GPM6A: variants seen among roughly 807,000 people sequenced by gnomAD.
GPM6A encodes the protein glycoprotein M6A, also known as neuronal membrane glycoprotein M6-a.
A neutral mutation model predicts 32.1 loss-of-function variants in GPM6A; 7 were observed. The observed-to-expected ratio is 0.22, with a 90% CI of 0.12 to 0.41. GPM6A has a LOEUF of 0.41. GPM6A is among the 10% of genes least tolerant of loss of function. GPM6A has a pLI of 1.00. For missense variants in GPM6A, 235 were observed against 347.2 expected (o/e 0.68, Z 2.57); for synonymous variants, 130 against 123.4 (o/e 1.05, Z -0.35).
chr4:175,764,334 A>T (rs535421150), intron 1 of GPM6A, among the ~76,000 whole-genome samples: 1 of 152,174 alleles, frequency 6.6e-6, no homozygotes, highest in Non-Finnish European at 1.5e-5. Flanking sequence ...ATGTTGTAGC[A>T]TGTATCAGTA....
intron 1 of GPM6A, among the ~76,000 whole-genome samples, chr4:175,702,954 C>G (rs772898002): frequency 5.3e-5 from 8 of 152,114 alleles, no homozygotes; most frequent in Non-Finnish European, 1.0e-4. Flanking sequence ...AAGACACTGG[C>G]ACAGCAAATG....
chr4:175,645,250 A>G (rs2110899014), intron 4 of GPM6A, among the ~76,000 whole-genome samples: 1 of 152,334 alleles, frequency 6.6e-6, no homozygotes, highest in Non-Finnish European at 1.5e-5. Context: ...AGCTAAACAC[A>G]AGTAATATAT....
At chr4:175,829,544 C>A (rs905983215) in intron 1 of GPM6A, among the ~76,000 whole-genome samples, 3 of 151,302 alleles carry the variant, frequency 2.0e-5, no homozygotes, top group African/African-American at 7.3e-5. Flanking sequence ...CACTATTTTA[C>A]TTGGAGAGCT....
intron 1 of GPM6A, among the ~76,000 whole-genome samples, chr4:175,899,887 A>G (rs987775390): frequency 6.6e-6 from 1 of 152,180 alleles, no homozygotes; most frequent in Non-Finnish European, 1.5e-5. Context: ...ATCAAGTTAA[A>G]AAGCTTCTGC....
intron 1 of GPM6A, among the ~76,000 whole-genome samples, chr4:175,836,174 C>A (rs1439298910): frequency 6.6e-6 from 1 of 152,160 alleles, no homozygotes; most frequent in African/African-American, 2.4e-5. Context: ...ATTCCCTGAA[C>A]ACTTGATTCC....
At chr4:175,851,055 T>C (rs1736237588) in intron 1 of GPM6A, among the ~76,000 whole-genome samples, 1 of 152,118 alleles carries the variant, frequency 6.6e-6, no homozygotes, top group South Asian at 2.1e-4. Context: ...TGACACTTTG[T>C]TTTCTGAAGA....
At chr4:175,925,518 G>C (rs28556584) in intron 1 of GPM6A, among the ~76,000 whole-genome samples, 5,251 of 152,132 alleles carry the variant, frequency 0.035, 326 homozygotes, top group African/African-American at 0.12. Flanking sequence ...GCTCTTACAA[G>C]CTCATTCTGC....
intron 1 of GPM6A, among the ~76,000 whole-genome samples, chr4:175,832,331 T>G (rs183347791): frequency 6.6e-6 from 1 of 152,168 alleles, no homozygotes; most frequent in East Asian, 1.9e-4. Flanking sequence ...AAAGTAGTAT[T>G]TTTTTCTTTA....
chr4:175,651,708 A>G (rs192941977), intron 4 of GPM6A, 126 bp downstream of exon 4: 151 of 721,750 alleles, frequency 2.1e-4, no homozygotes, highest in Admixed American at 1.2e-3. Flanking sequence ...TACTCTGATA[A>G]ATTTATCTCT....
intron 1 of GPM6A, among the ~76,000 whole-genome samples, chr4:175,871,550 C>A (rs1457729750): frequency 1.3e-5 from 2 of 152,160 alleles, no homozygotes; most frequent in East Asian, 3.9e-4. Context: ...TATTTTTCAG[C>A]CTTCCCTTTA....
At chr4:175,858,312 G>T (rs1033673800) in intron 1 of GPM6A, among the ~76,000 whole-genome samples, 2 of 152,034 alleles carry the variant, frequency 1.3e-5, no homozygotes, top group Non-Finnish European at 2.9e-5. Flanking sequence ...TGAGCAGATC[G>T]CCTGAGGTCA....
At chr4:175,639,575 A>C (rs1467996616) in intron 6 of GPM6A, among the ~76,000 whole-genome samples, 1 of 152,138 alleles carries the variant, frequency 6.6e-6, no homozygotes, top group African/African-American at 2.4e-5. Context: ...CCAAGTTAGA[A>C]AGGAGGAGAC....
chr4:175,940,611 T>G (rs1328695611), intron 1 of GPM6A, among the ~76,000 whole-genome samples: 2 of 152,082 alleles, frequency 1.3e-5, no homozygotes, highest in African/African-American at 4.8e-5. Flanking sequence ...TTATTTCTTC[T>G]CCCACGTCCC....
Position 175,640,167 on chromosome 4 carries a change from C to T in GPM6A, c.646G>A (p.Val216Met). 2 of 1,613,728 alleles carry T rather than the reference C, an allele frequency of 1.2e-6. No homozygotes were observed. Among genetic ancestry groups the T allele is most frequent in the Non-Finnish European group, 1.7e-6 (2 of 1,179,774 alleles). ...GCTGCCCCAGCTCCAGCAAGTGCCA[C>T]AATAAACAAGTGGAAGGTCATGTTC... is the stretch of plus-strand genomic sequence containing the variant. ...ELNMTFHLFI[V>M]ALAGAGAAVI... The change falls in exon 6 of 7, where the codon GTG (valine) becomes ATG (methionine). Residue 216 changes from valine to methionine, a missense_variant. Val to Met is a conservative substitution (Grantham distance 21, BLOSUM62 1). Coordinates refer to ENST00000393658, the MANE Select transcript of GPM6A (RefSeq NM_201591.3).
At chr4:175,875,965 G>C (rs1737071947) in intron 1 of GPM6A, among the ~76,000 whole-genome samples, 1 of 152,096 alleles carries the variant, frequency 6.6e-6, no homozygotes, top group Non-Finnish European at 1.5e-5. Context: ...TCCAGAAACT[G>C]TAAAAAATAA....
chr4:175,839,351 G>T (rs140335492), intron 1 of GPM6A, among the ~76,000 whole-genome samples: 1 of 150,624 alleles, frequency 6.6e-6, no homozygotes, highest in African/African-American at 2.5e-5. Flanking sequence ...AGGCAATAAC[G>T]AAGAGGATTA....
At chr4:175,891,948 A>C (rs916398149) in intron 1 of GPM6A, among the ~76,000 whole-genome samples, 1 of 152,220 alleles carries the variant, frequency 6.6e-6, no homozygotes, top group African/African-American at 2.4e-5. Flanking sequence ...ACAGAGATCA[A>C]CAAGCAGTAC....
At chr4:175,943,211 T>C (rs1561004668) in intron 1 of GPM6A, among the ~76,000 whole-genome samples, 1 of 152,334 alleles carries the variant, frequency 6.6e-6, no homozygotes, top group Middle Eastern at 3.4e-3. Flanking sequence ...TGAATGCTTG[T>C]GATTTTTGTA....
At chr4:175,680,252 G>A (rs755632280) in intron 2 of GPM6A, among the ~76,000 whole-genome samples, 8 of 152,118 alleles carry the variant, frequency 5.3e-5, no homozygotes, top group East Asian at 3.9e-4. Context: ...CCAGTCTATC[G>A]CTACAGGGAT....
Sources: allele counts gnomAD v4.1 joint callset (sites outside exome capture counted in the v4.1 genomes callset), GRCh38; gene constraint gnomAD v4.1.1; transcripts MANE v1.5; gene names NCBI Gene and HGNC (gene_info 2026-07-23, HGNC 2026-07-21).